Variants in DHX9 observed in about 807,000 individuals in gnomAD.
DHX9 encodes the protein DExH-box helicase 9.
DHX9 carries 27 observed loss-of-function variants against 148.7 expected under a neutral mutation model. The ratio of observed to expected loss-of-function variants is 0.18; its 90% confidence interval spans 0.13 to 0.25. DHX9 has a LOEUF of 0.25. DHX9 is among the 10% of genes least tolerant of loss of function. DHX9 has a pLI of 1.00. For synonymous variants in DHX9, 529 were observed against 516.6 expected (o/e 1.02, Z -0.33); for missense variants, 796 against 1,559.6 (o/e 0.51, Z 8.25).
intron 7 of DHX9, among the ~76,000 whole-genome samples, chr1:182,857,499 T>A (rs2102599630): frequency 6.6e-6 from 1 of 152,370 alleles, no homozygotes; most frequent in East Asian, 1.9e-4. Flanking sequence ...ACACTCACAT[T>A]TTAGACTTTA....
rs1432171959 is a variant in DHX9 at position 182,871,561 on chromosome 1, G to GT, written c.1558-773dup. ...AAACTTGGATATGTTTAGCACTCCT[G>GT]TTTAGACTTGAACAAGAATGCTCAT... is the stretch of plus-strand genomic sequence containing the variant. On this transcript the variant is annotated intron_variant, in intron 14 of 27. Coordinates refer to ENST00000367549, the MANE Select transcript of DHX9 (RefSeq NM_001357.5). 2.6e-5 allele frequency among the ~76,000 whole-genome samples: 4 copies of GT among 152,300 alleles called. No homozygotes were observed. The South Asian group carries it at 6.2e-4, about 24-fold the overall frequency.
At chr1:182,852,449 G>A (rs1367094019) in intron 4 of DHX9, 105 bp downstream of exon 4, 2 of 705,096 alleles carry the variant, frequency 2.8e-6, no homozygotes, top group Non-Finnish European at 4.5e-6. Flanking sequence ...GTAAACTCTT[G>A]ATGTTAAGAG....
chr1:182,842,393 G>T (rs967124416), intron 1 of DHX9, among the ~76,000 whole-genome samples, 152 bp from the exon 2 acceptor site: 3 of 151,914 alleles, frequency 2.0e-5, no homozygotes, highest in Non-Finnish European at 2.9e-5. Flanking sequence ...ACATATAAAC[G>T]TTCCAATTAT....
At chr1:182,846,122 A>T (rs1045958932) in intron 3 of DHX9, among the ~76,000 whole-genome samples, 2 of 152,092 alleles carry the variant, frequency 1.3e-5, no homozygotes, top group African/African-American at 4.8e-5. Context: ...ACCTGAAGCT[A>T]CCTAGGGCCT....
chr1:182,856,123 A>C (rs992820909), intron 6 of DHX9, among the ~76,000 whole-genome samples: 1 of 152,218 alleles, frequency 6.6e-6, no homozygotes, highest in African/African-American at 2.4e-5. Flanking sequence ...TGGGTGGCCT[A>C]TGCAAAGGAA....
intron 12 of DHX9, among the ~76,000 whole-genome samples, chr1:182,860,892 CTT>C (rs1362574455): frequency 6.6e-6 from 1 of 152,166 alleles, no homozygotes; most frequent in Non-Finnish European, 1.5e-5. Context: ...ACTTCTGGCA[CTT>C]TGTGGGAGAG....
chr1:182,884,929 G>T, intron 27 of DHX9, 116 bp downstream of exon 27: 1 of 888,042 alleles, frequency 1.1e-6, no homozygotes, highest in Non-Finnish European at 1.8e-6. Context: ...TCTAGATATA[G>T]ATAGAGCTAT....
chr1:182,877,034 A>G (rs1648834311), intron 19 of DHX9, 131 bp downstream of exon 19: 2 of 589,462 alleles, frequency 3.4e-6, no homozygotes, highest in Non-Finnish European at 6.0e-6. Context: ...TTGTGCATCT[A>G]TATAGCATTA....
chr1:182,845,269 T>A (rs1329125897), intron 3 of DHX9, among the ~76,000 whole-genome samples: 3 of 152,180 alleles, frequency 2.0e-5, no homozygotes, highest in Non-Finnish European at 4.4e-5. Flanking sequence ...CTATTCTTTA[T>A]CTTTTAGGCT....
chr1:182,867,722 A>G (rs1025339657), intron 14 of DHX9, among the ~76,000 whole-genome samples: 1 of 152,202 alleles, frequency 6.6e-6, no homozygotes, highest in African/African-American at 2.4e-5. Flanking sequence ...TATAATTAAG[A>G]GTCCTTTTAG....
intron 21 of DHX9, among the ~76,000 whole-genome samples, 157 bp downstream of exon 21, chr1:182,879,567 G>C (rs1376191444): frequency 6.6e-6 from 1 of 152,136 alleles, no homozygotes; most frequent in Non-Finnish European, 1.5e-5. Context: ...TAGATAGTTA[G>C]TATAGTCACT....
chr1:182,873,684 G>A (rs1414873554), intron 15 of DHX9, among the ~76,000 whole-genome samples: 1 of 152,238 alleles, frequency 6.6e-6, no homozygotes, highest in Non-Finnish European at 1.5e-5. Flanking sequence ...GTGGATACAT[G>A]TGTTAGTATA....
Position 182,858,192 on chromosome 1 carries a change from A to C in DHX9, c.762A>C (p.Gly254=), listed in dbSNP as rs1214890153. ...TTGTCAGACAACTGTACCATCTTGG[A>C]GTGGTTGAAGCTTACTCCGGACTTA... is the stretch of plus-strand genomic sequence containing the variant. ...LSLVRQLYHL[G]VVEAYSGLTK... Residue 254 remains glycine (G), a synonymous_variant, in exon 8 of 28, where the codon GGA becomes GGC. Coordinates refer to ENST00000367549, the MANE Select transcript of DHX9 (RefSeq NM_001357.5). 6.2e-7 allele frequency: 1 copy of C among 1,614,000 alleles called. No individual in the cohort carries two copies. The highest frequency in any genetic ancestry group is 8.5e-7 in the Non-Finnish European group (1 of 1,180,004).
Position 182,884,747 on chromosome 1 carries a change from T to G in DHX9, c.3395T>G (p.Leu1132Arg). ...TTGGACCCCGTAAATGAACGTATGC[T>G]GAACATGATCCGTCAGATCTCTAGA... ...SQLDPVNERM[L>R]NMIRQISRPS... The change falls in exon 27 of 28, where the codon CTG (leucine) becomes CGG (arginine). Residue 1132 changes from leucine (L) to arginine (R), a missense_variant. By Grantham distance (102) the Leu-to-Arg change is moderately radical (BLOSUM62 -2). Around this residue, in one of 14 missense-constraint regions of DHX9, gnomAD observed 86 missense variants for 156.3 expected, o/e 0.55. Coordinates refer to ENST00000367549, the MANE Select transcript of DHX9 (RefSeq NM_001357.5). 2 of 1,614,142 alleles carry G rather than the reference T, an allele frequency of 1.2e-6. No homozygotes were observed. Among genetic ancestry groups the G allele is most frequent in the Non-Finnish European group, 1.7e-6 (2 of 1,180,022 alleles).
At chr1:182,840,378 C>A (rs1255270431) in intron 1 of DHX9, among the ~76,000 whole-genome samples, 3 of 148,260 alleles carry the variant, frequency 2.0e-5, no homozygotes, top group Admixed American at 6.8e-5. Context: ...CGGCTCACAG[C>A]AACGTCGGTC....
rs187808571 is a variant in DHX9 at position 182,880,135 on chromosome 1, T to G, written c.2513-362T>G. ...ATCTAGCATTTATCTACTATGTAAC[T>G]TCAGAATTTTCTCTAGATTTTATTT... On this transcript the variant is annotated intron_variant, in intron 21 of 27. Coordinates refer to ENST00000367549, the MANE Select transcript of DHX9 (RefSeq NM_001357.5). 4.5e-3 allele frequency among the ~76,000 whole-genome samples: 678 copies of G among 152,356 alleles called. 3 individuals are homozygous for G. The highest frequency in any genetic ancestry group is 0.015 in the African/African-American group (609 of 41,574).
chr1:182,844,132 G>C (rs1667983076), intron 3 of DHX9, among the ~76,000 whole-genome samples: 1 of 152,136 alleles, frequency 6.6e-6, no homozygotes, highest in African/African-American at 2.4e-5. Context: ...GTTTTTAGTA[G>C]AGATAGGGTT....
At position 182,883,504 on chromosome 1, in the gene DHX9, C is replaced by CT. The variant is rs896071282; in HGVS notation, c.3145-13dup. 2 of 1,609,672 alleles carry CT rather than the reference C, an allele frequency of 1.2e-6. No homozygotes were observed. Among genetic ancestry groups the CT allele is most frequent in the Non-Finnish European group, 1.7e-6 (2 of 1,176,112 alleles). Reference sequence around the variant, plus strand: ...GAATGTCAACCATTTTGTATTGTCTCTTTCTCCATTTGCAGATTCGAACTC... The same window carrying CT: ...GAATGTCAACCATTTTGTATTGTCTCTTTTCTCCATTTGCAGATTCGAACTC... On this transcript the variant is annotated splice_polypyrimidine_tract_variant and intron_variant, in intron 25 of 27. Coordinates refer to ENST00000367549, the MANE Select transcript of DHX9 (RefSeq NM_001357.5).
rs1649367137 is a variant in DHX9 at position 182,887,123 on chromosome 1, G to A, written c.3502G>A (p.Asp1168Asn). The change falls in exon 28 of 28, where the codon GAC becomes AAC. Residue 1168 changes from aspartate to asparagine, a missense_variant. This residue lies in a region of DHX9 where 86 missense variants were observed against 156.3 expected (regional missense o/e 0.55). Transcript: ENST00000367549. Reference protein sequence around the residue: ...GPRPPKMARYDNGSGYRRGGS... With the variant: ...GPRPPKMARYNNGSGYRRGGS... ...ACGTCCTCCCAAGATGGCCCGATACGACAATGGAAGCGGATATAGAAGGGG... is the reference window on the plus strand; with the variant it reads ...ACGTCCTCCCAAGATGGCCCGATACAACAATGGAAGCGGATATAGAAGGGG... The A allele has an allele frequency of 1.9e-6, 3 of 1,614,156 alleles. No homozygotes were observed. The highest frequency in any genetic ancestry group is 1.7e-6 in the Non-Finnish European group (2 of 1,180,018).
Sources: allele counts gnomAD v4.1 joint callset (sites outside exome capture counted in the v4.1 genomes callset), GRCh38; gene constraint gnomAD v4.1.1; regional missense constraint gnomAD v4.1.1; transcripts MANE v1.5; gene names NCBI Gene and HGNC (gene_info 2026-07-23, HGNC 2026-07-21).